The following TRIM44 variants were observed in gnomAD, a reference collection of about 807,000 sequenced individuals.
TRIM44 encodes the protein tripartite motif-containing protein 44.
A neutral mutation model predicts 37.4 loss-of-function variants in TRIM44; 13 were observed. That is an observed-to-expected ratio of 0.35 (90% confidence interval 0.23 to 0.55). The LOEUF (loss-of-function observed/expected upper bound fraction) is 0.55, where lower values mean the gene tolerates loss of function less well. Ranked by LOEUF, TRIM44 falls within the 20% of genes least tolerant of loss-of-function variation. The pLI, the probability that TRIM44 is intolerant of heterozygous loss-of-function variation, is 0.89. For missense variants in TRIM44, 426 were observed against 437.2 expected (o/e 0.97, Z 0.23); for synonymous variants, 175 against 157.2 (o/e 1.11, Z -0.85).
intron 4 of TRIM44, among the ~76,000 whole-genome samples, chr11:35,778,094 A>G (rs746821736): frequency 3.3e-5 from 5 of 152,204 alleles, no homozygotes; most frequent in Admixed American, 1.3e-4. Context: ...GAGGTACACC[A>G]ATCAGATGTA....
intron 2 of TRIM44, among the ~76,000 whole-genome samples, chr11:35,708,537 A>T (rs1183540349): frequency 1.3e-5 from 2 of 151,856 alleles, no homozygotes; most frequent in Non-Finnish European, 2.9e-5. Flanking sequence ...GATAGACTGG[A>T]TTAAGAAAAT....
intron 2 of TRIM44, among the ~76,000 whole-genome samples, chr11:35,697,953 C>T (rs1851727736): frequency 6.6e-6 from 1 of 150,826 alleles, no homozygotes; most frequent in East Asian, 1.9e-4. Flanking sequence ...ATTTATAGTC[C>T]TTTGGGTATA....
At chr11:35,782,633 G>A (rs562952939) in intron 4 of TRIM44, among the ~76,000 whole-genome samples, 2 of 152,196 alleles carry the variant, frequency 1.3e-5, no homozygotes, top group East Asian at 3.9e-4. Flanking sequence ...TGAGGGAGGG[G>A]TCAGAAGAAG....
At position 35,662,870 on chromosome 11, in the gene TRIM44, C is replaced by T. The variant is rs2135478477; in HGVS notation, c.-242C>T. On this transcript the variant is annotated 5_prime_UTR_variant, in exon 1 of 5. Coordinates refer to ENST00000299413, the MANE Select transcript of TRIM44 (RefSeq NM_017583.6). ...CGCCGGGTGGCCGCGCCGGAAGTGC[C>T]TTGCGCGGCAGAGGAAGCGCAGGGA... 2 of 527,408 alleles carry T rather than the reference C, an allele frequency of 3.8e-6. No individual in the cohort carries two copies. Among genetic ancestry groups the T allele is most frequent in the East Asian group, 4.2e-5 (1 of 23,994 alleles). 32.7% of individuals were successfully genotyped at this position (527,408 alleles called of 1,614,324 possible).
chr11:35,680,879 GTT>G (rs1290007915), intron 1 of TRIM44, among the ~76,000 whole-genome samples: 1 of 151,928 alleles, frequency 6.6e-6, no homozygotes, highest in Non-Finnish European at 1.5e-5. Context: ...GTTTTGATGT[GTT>G]TGCATTTCAC....
At position 35,809,588 on chromosome 11, in the gene TRIM44, C is replaced by A. The variant is rs1264067155; in HGVS notation, c.*3203C>A. ...GCCATCTTCCATAAATAAGGTGTTT[C>A]TTGGCCTTCAAAGATATAGAACTTT... On this transcript the variant is annotated 3_prime_UTR_variant, in exon 5 of 5. Coordinates refer to ENST00000299413, the MANE Select transcript of TRIM44 (RefSeq NM_017583.6). The A allele has an allele frequency of 6.6e-6, 1 of 152,128 alleles. No individual in the cohort carries two copies. Among genetic ancestry groups the A allele is most frequent in the African/African-American group, 2.4e-5 (1 of 41,422 alleles). 9.4% of individuals were successfully genotyped at this position (152,128 alleles called of 1,614,324 possible). A position where few individuals can be genotyped will look rare whatever the true frequency, so the allele number is the denominator to read the frequency against.
rs1853573384 is a variant in TRIM44 at position 35,815,689 on chromosome 11, T to G, written c.*9304T>G. The G allele has an allele frequency of 2.6e-5, 4 of 152,220 alleles. No homozygotes were observed. In the South Asian group the frequency reaches 8.3e-4, roughly 32 times the overall value. 9.4% of individuals were successfully genotyped at this position (152,220 alleles called of 1,614,324 possible). A position where few individuals can be genotyped will look rare whatever the true frequency, so the allele number is the denominator to read the frequency against. The stretch of plus-strand genomic sequence containing the variant: ...CTCAAAACAAGCTTTCCTGTTAATC[T>G]CTTTCTCTTACCTCTATTATGAGGA... On this transcript the variant is annotated 3_prime_UTR_variant, in exon 5 of 5. Transcript: ENST00000299413.
At chr11:35,760,079 C>T (rs940296916) in intron 4 of TRIM44, among the ~76,000 whole-genome samples, 15 of 152,346 alleles carry the variant, frequency 9.8e-5, no homozygotes, top group African/African-American at 3.6e-4. Flanking sequence ...TGCTTATGCC[C>T]TGCCCTCAGA....
At chr11:35,765,794 T>A (rs1852790788) in intron 4 of TRIM44, among the ~76,000 whole-genome samples, 1 of 152,232 alleles carries the variant, frequency 6.6e-6, no homozygotes. Context: ...TTCTGTGCAA[T>A]CTGATAGAAC....
At chr11:35,691,221 G>A (rs1048036721) in intron 2 of TRIM44, among the ~76,000 whole-genome samples, 1 of 152,180 alleles carries the variant, frequency 6.6e-6, no homozygotes, top group Non-Finnish European at 1.5e-5. Flanking sequence ...GACACTAAAT[G>A]GGAAAAATAC....
At chr11:35,671,879 T>C (rs1164484557) in intron 1 of TRIM44, among the ~76,000 whole-genome samples, 2 of 152,222 alleles carry the variant, frequency 1.3e-5, no homozygotes, top group South Asian at 2.1e-4. Context: ...GCCTAGTCTT[T>C]AGCTTTATCA....
chr11:35,668,677 C>G (rs530148135), intron 1 of TRIM44, among the ~76,000 whole-genome samples: 1 of 152,190 alleles, frequency 6.6e-6, no homozygotes, highest in Non-Finnish European at 1.5e-5. Context: ...TGAACATACA[C>G]GTGCGTGTAT....
intron 1 of TRIM44, among the ~76,000 whole-genome samples, chr11:35,683,044 A>G (rs1314220365): frequency 6.6e-6 from 1 of 152,146 alleles, no homozygotes; most frequent in South Asian, 2.1e-4. Context: ...GCCAATGAGA[A>G]GCAGGTTAGA....
chr11:35,776,925 T>C (rs1852974254), intron 4 of TRIM44, among the ~76,000 whole-genome samples: 1 of 152,244 alleles, frequency 6.6e-6, no homozygotes, highest in African/African-American at 2.4e-5. Flanking sequence ...GAAGAATGTA[T>C]ATTCTGTTGA....
chr11:35,713,345 G>C (rs1852001863), intron 2 of TRIM44, among the ~76,000 whole-genome samples: 1 of 152,190 alleles, frequency 6.6e-6, no homozygotes, highest in Admixed American at 6.5e-5. Context: ...GAGGTTAAGT[G>C]ACTTGTTCAC....
chr11:35,663,251 C>G lies in TRIM44; in HGVS notation c.140C>G (p.Ala47Gly). 6.2e-7 allele frequency: 1 copy of G among 1,609,570 alleles called. No individual in the cohort carries two copies. Among genetic ancestry groups the G allele is most frequent in the African/African-American group, 1.3e-5 (1 of 74,938 alleles). Residue 47 changes from alanine (A) to glycine (G), a missense_variant, in exon 1 of 5, where the codon GCG becomes GGG. Ala to Gly is a moderately conservative substitution (Grantham distance 60, BLOSUM62 0). Transcript: ENST00000299413. ...GFCYCRRHAE[A>G]HRQKFLSHHL... ...TGCTACTGCCGCCGCCATGCCGAGG[C>G]GCACAGGCAGAAGTTCCTCAGTCAC...
chr11:35,789,583 T>C (rs1424637024), intron 4 of TRIM44, among the ~76,000 whole-genome samples: 1 of 152,238 alleles, frequency 6.6e-6, no homozygotes, highest in African/African-American at 2.4e-5. Context: ...GATTCAGCCT[T>C]GATTTCTCTG....
At chr11:35,781,985 T>G (rs1162145075) in intron 4 of TRIM44, among the ~76,000 whole-genome samples, 2 of 152,226 alleles carry the variant, frequency 1.3e-5, no homozygotes, top group Non-Finnish European at 2.9e-5. Flanking sequence ...TTTCAGTATT[T>G]CAACAAATCG....
chr11:35,671,428 C>T (rs1010507592), intron 1 of TRIM44, among the ~76,000 whole-genome samples: 1 of 152,160 alleles, frequency 6.6e-6, no homozygotes, highest in Non-Finnish European at 1.5e-5. Context: ...TTTAACAATG[C>T]TTAACACATT....
Sources: allele counts gnomAD v4.1 joint callset (sites outside exome capture counted in the v4.1 genomes callset), GRCh38; gene constraint gnomAD v4.1.1; transcripts MANE v1.5; gene names NCBI Gene and HGNC (gene_info 2026-07-23, HGNC 2026-07-21).